The following NRXN3 variants were observed in gnomAD, a reference collection of about 807,000 sequenced individuals.
NRXN3 encodes the protein neurexin III.
A neutral mutation model predicts 137.6 loss-of-function variants in NRXN3; 32 were observed. The ratio of observed to expected loss-of-function variants is 0.23; its 90% CI spans 0.18 to 0.31. The LOEUF is 0.31. Among genes scored for constraint, NRXN3 ranks in the 10% least tolerant of loss-of-function variants. NRXN3 has a pLI of 1.00. For missense variants in NRXN3, 1,574 were observed against 2,062.5 expected (o/e 0.76, Z 4.59); for synonymous variants, 798 against 784.5 (o/e 1.02, Z -0.29).
intron 4 of NRXN3, among the ~76,000 whole-genome samples, chr14:78,627,078 T>C (rs998556079): frequency 6.6e-5 from 10 of 151,028 alleles, no homozygotes; most frequent in Non-Finnish European, 1.5e-4. Context: ...TTTGTTTCTC[T>C]TTCCCTCCCT....
intron 15 of NRXN3, among the ~76,000 whole-genome samples, chr14:79,151,738 AC>A (rs1423848417): frequency 6.6e-6 from 1 of 151,854 alleles, no homozygotes; most frequent in African/African-American, 2.4e-5. Flanking sequence ...AGATCTAGAC[AC>A]CGTGATGTGT....
chr14:78,609,584 T>C (rs1191979243), intron 4 of NRXN3, among the ~76,000 whole-genome samples: 1 of 152,190 alleles, frequency 6.6e-6, no homozygotes, highest in Non-Finnish European at 1.5e-5. Context: ...TGGCCTGATC[T>C]CATACTAGCT....
intron 4 of NRXN3, among the ~76,000 whole-genome samples, chr14:78,405,927 G>T (rs77309771): frequency 0.03 from 4,512 of 152,258 alleles, 208 homozygotes; most frequent in African/African-American, 0.096. Context: ...ATTTCTCTTG[G>T]ATGGGAAAAT....
chr14:79,441,642 A>G (rs892174946), intron 15 of NRXN3, among the ~76,000 whole-genome samples: 4 of 151,828 alleles, frequency 2.6e-5, no homozygotes, highest in Non-Finnish European at 5.9e-5. Flanking sequence ...GGCCTCCCAA[A>G]GTGCTGGGAT....
At chr14:78,587,430 C>A (rs1214683183) in intron 4 of NRXN3, among the ~76,000 whole-genome samples, 1 of 152,150 alleles carries the variant, frequency 6.6e-6, no homozygotes, top group Non-Finnish European at 1.5e-5. Context: ...AGATTAGTTA[C>A]CCCTCTGAAA....
Position 79,641,893 on chromosome 14 carries a change from A to G in NRXN3, c.3445-21885A>G, listed in dbSNP as rs912784936. 1.8e-4 allele frequency among the ~76,000 whole-genome samples: 24 copies of G among 134,958 alleles called. 4 individuals carry two copies. Among genetic ancestry groups the G allele is most frequent in the African/African-American group, 5.9e-4 (24 of 40,606 alleles). The allele number at this position is 134,958 out of a possible 152,430, so 88.5% of individuals were successfully genotyped here. ...ATCATTATTCAAAATATCCCTCCTT[A>G]TGCATACTTCCCACTGCTTAGATGT... On this transcript the variant is annotated intron_variant, in intron 16 of 20. Coordinates refer to ENST00000335750, the MANE Select transcript of NRXN3 (RefSeq NM_001330195.2).
At chr14:79,038,646 T>C (rs750626888) in intron 15 of NRXN3, among the ~76,000 whole-genome samples, 1 of 152,158 alleles carries the variant, frequency 6.6e-6, no homozygotes, top group Non-Finnish European at 1.5e-5. Context: ...TTTTTTCTTG[T>C]TGGGCATGAA....
intron 15 of NRXN3, among the ~76,000 whole-genome samples, chr14:79,198,719 T>A (rs1173699121): frequency 6.6e-6 from 1 of 152,218 alleles, no homozygotes; most frequent in Non-Finnish European, 1.5e-5. Context: ...ATTGTAGCAG[T>A]GAAGCTGTTA....
chr14:78,608,263 C>G (rs1380060737), intron 4 of NRXN3, among the ~76,000 whole-genome samples: 1 of 152,052 alleles, frequency 6.6e-6, no homozygotes, highest in Non-Finnish European at 1.5e-5. Context: ...TTCCCACCCC[C>G]ACTTAAGGAT....
intron 4 of NRXN3, among the ~76,000 whole-genome samples, chr14:78,501,247 A>G (rs1352847528): frequency 6.6e-6 from 1 of 152,154 alleles, no homozygotes; most frequent in African/African-American, 2.4e-5. Flanking sequence ...GAAGGTTATC[A>G]TTGAGGTGTC....
rs899799428 is a variant in NRXN3, at chr14:79,723,439, G to A, written c.4014+25502G>A. ...CTAGAGTTTGCCCTAATTGTTGGGCGCATTGTAGCGTCTTAGATGATCAAT... is the reference window on the plus strand; with the variant it reads ...CTAGAGTTTGCCCTAATTGTTGGGCACATTGTAGCGTCTTAGATGATCAAT... On this transcript the variant is annotated intron_variant, in intron 19 of 20. Coordinates refer to ENST00000335750, the MANE Select transcript of NRXN3 (RefSeq NM_001330195.2). Among the ~76,000 whole-genome samples, 205 of 152,230 alleles carry A rather than the reference G, an allele frequency of 1.3e-3. 1 individual carries two copies. The highest frequency in any genetic ancestry group is 5.8e-4 in the East Asian group (3 of 5,162).
At chr14:79,474,338 T>A (rs190083176) in intron 16 of NRXN3, among the ~76,000 whole-genome samples, 3 of 152,282 alleles carry the variant, frequency 2.0e-5, no homozygotes, top group Non-Finnish European at 4.4e-5. Context: ...ATAAAATGGG[T>A]GCTGTAGAGG....
At chr14:79,372,714 A>G (rs1283501480) in intron 15 of NRXN3, among the ~76,000 whole-genome samples, 5 of 152,116 alleles carry the variant, frequency 3.3e-5, no homozygotes, top group African/African-American at 9.7e-5. Flanking sequence ...TATGTGAATG[A>G]TTTTAATATT....
intron 10 of NRXN3, among the ~76,000 whole-genome samples, chr14:78,890,619 G>T (rs1017724861): frequency 6.6e-6 from 1 of 151,588 alleles, no homozygotes; most frequent in African/African-American, 2.4e-5. Context: ...TTCTTATCTA[G>T]TAGTAAATGG....
chr14:79,428,434 A>G (rs1001668318), intron 15 of NRXN3, among the ~76,000 whole-genome samples: 3 of 152,160 alleles, frequency 2.0e-5, no homozygotes, highest in Non-Finnish European at 4.4e-5. Context: ...CTTTTGGTGG[A>G]AACAACACAA....
At chr14:78,570,053 A>G (rs2096875547) in intron 4 of NRXN3, among the ~76,000 whole-genome samples, 1 of 152,224 alleles carries the variant, frequency 6.6e-6, no homozygotes, top group African/African-American at 2.4e-5. Context: ...TATAAAATGA[A>G]ATAATTTTTT....
chr14:78,617,870 AT>A (rs748012562), intron 4 of NRXN3, among the ~76,000 whole-genome samples: 32 of 150,038 alleles, frequency 2.1e-4, no homozygotes, highest in Non-Finnish European at 4.3e-4. Flanking sequence ...TCTAGTTTCT[AT>A]TAGCTTGGTG....
Position 79,825,024 on chromosome 14 carries a change from T to C in NRXN3, c.4093+19834T>C, listed in dbSNP as rs911347934. ...AGGCACTCCTACTAAAGAACAAACG[T>C]TTGTATTTGTAGCATTTAAAAATCT... On this transcript the variant is annotated intron_variant, in intron 20 of 20. Coordinates refer to ENST00000335750, the MANE Select transcript of NRXN3 (RefSeq NM_001330195.2). 5.3e-5 allele frequency among the ~76,000 whole-genome samples: 8 copies of C among 152,194 alleles called. No individual in the cohort carries two copies. The South Asian group carries it at 1.7e-3, about 32-fold the overall frequency.
At chr14:79,826,667 C>T (rs766319324) in intron 20 of NRXN3, among the ~76,000 whole-genome samples, 20 of 152,166 alleles carry the variant, frequency 1.3e-4, no homozygotes, top group South Asian at 6.2e-4. Flanking sequence ...AGTACATATT[C>T]ACATTGCACC....
Sources: gnomAD v4.1 joint callset for allele counts (sites outside exome capture counted in the v4.1 genomes callset) on GRCh38, gnomAD v4.1.1 for gene constraint, MANE v1.5 for transcripts, NCBI Gene and HGNC (gene_info 2026-07-23, HGNC 2026-07-21) for gene names.